MICAL3: variants seen among roughly 807,000 people sequenced by gnomAD.
MICAL3 encodes microtubule associated monooxygenase, calponin and LIM domain containing 3, also known as [F-actin]-monooxygenase MICAL3.
A neutral mutation model predicts 207.4 loss-of-function variants in MICAL3; 62 were observed. That is an observed-to-expected ratio of 0.30 (90% confidence interval 0.24 to 0.37). MICAL3 has a LOEUF of 0.37. Ranked by LOEUF, MICAL3 falls within the 10% of genes least tolerant of loss-of-function variation. The pLI is 1.00. For missense variants in MICAL3, 2,368 were observed against 2,635.6 expected, an observed-to-expected ratio of 0.90 and a Z score of 2.22; for synonymous variants, 1,077 against 1,069.3, an observed-to-expected ratio of 1.01 and a Z score of -0.14.
intron 20 of MICAL3, among the ~76,000 whole-genome samples, chr22:17,838,413 A>G (rs981102565): frequency 6.6e-6 from 1 of 152,210 alleles, no homozygotes; most frequent in African/African-American, 2.4e-5. Context: ...AACCAATACA[A>G]GGCTGCCTGG....
intron 22 of MICAL3, chr22:17,826,514 G>T (rs757774432): frequency 1.0e-6 from 1 of 985,890 alleles, no homozygotes. Context: ...GGAAGGTCGG[G>T]CACTGAATTT....
intron 1 of MICAL3, among the ~76,000 whole-genome samples, chr22:17,912,368 T>C (rs1156625843): frequency 7.1e-6 from 1 of 140,658 alleles, no homozygotes; most frequent in East Asian, 2.1e-4. Context: ...TCTATTTCTG[T>C]AAAAAAAAAA....
chr22:17,832,551 C>G (rs181360544), intron 20 of MICAL3, among the ~76,000 whole-genome samples: 1 of 152,172 alleles, frequency 6.6e-6, no homozygotes, highest in Non-Finnish European at 1.5e-5. Flanking sequence ...ACACTGAGAT[C>G]GCTGGTTTAC....
In MICAL3 at chr22:17,817,984, C is replaced by T. The variant is rs370464455; in HGVS notation, c.4677G>A (p.Pro1559=). The change falls in exon 26 of 32, where the codon CCG becomes CCA. Residue 1559 remains proline (P), a synonymous_variant. Transcript: ENST00000441493. ...CWPRPEKPRH[P]PLAKENGRLP... Reference sequence around the variant, plus strand: ...GCCTCCCGTTCTCCTTGGCCAGGGGCGGGTGGCGAGGCTTCTCGGGGCGCG... The same window carrying T: ...GCCTCCCGTTCTCCTTGGCCAGGGGTGGGTGGCGAGGCTTCTCGGGGCGCG... 19 of 1,612,198 alleles carry T rather than the reference C, an allele frequency of 1.2e-5. No homozygotes were observed. The highest frequency in any genetic ancestry group is 1.6e-4 in the Middle Eastern group (1 of 6,084).
At chr22:17,851,872 G>A (rs1389657661) in intron 19 of MICAL3, among the ~76,000 whole-genome samples, 2 of 152,206 alleles carry the variant, frequency 1.3e-5, no homozygotes, top group Admixed American at 6.5e-5. Context: ...GTTTGGTTCC[G>A]GGAAGCAGCT....
At chr22:17,808,728 G>A in intron 29 of MICAL3, 116 bp downstream of exon 29, 1 of 843,270 alleles carries the variant, frequency 1.2e-6, no homozygotes, top group Non-Finnish European at 1.8e-6. Flanking sequence ...AAGGGCCCCA[G>A]AAAATCCTGC....
intron 1 of MICAL3, among the ~76,000 whole-genome samples, chr22:17,964,942 C>G (rs1935076778): frequency 6.6e-6 from 1 of 152,106 alleles, no homozygotes; most frequent in Admixed American, 6.5e-5. Context: ...CGGTGGAGGT[C>G]TGGGAAAAGG....
At chr22:17,948,584 G>A (rs1934183874) in intron 1 of MICAL3, among the ~76,000 whole-genome samples, 1 of 152,190 alleles carries the variant, frequency 6.6e-6, no homozygotes, top group Non-Finnish European at 1.5e-5. Flanking sequence ...GGGGAAGACA[G>A]AATATGAGTC....
chr22:17,842,619 A>C (rs1924148542), intron 19 of MICAL3: 1 of 157,346 alleles, frequency 6.4e-6, no homozygotes, highest in Non-Finnish European at 1.4e-5. Flanking sequence ...ACCGCTGCTC[A>C]GAGGAAGGAC....
intron 2 of MICAL3, among the ~76,000 whole-genome samples, chr22:17,906,272 G>C (rs1013984970): frequency 6.6e-6 from 1 of 152,172 alleles, no homozygotes; most frequent in South Asian, 2.1e-4. Context: ...AACAAAAAGA[G>C]GTTAGACATC....
chr22:17,863,599 T>TA, intron 19 of MICAL3: 2 of 985,286 alleles, frequency 2.0e-6, no homozygotes, highest in Admixed American at 6.2e-5. Flanking sequence ...GCAGGGTACT[T>TA]AAAAAACTTG....
chr22:17,903,524 A>T (rs924109744), intron 3 of MICAL3, among the ~76,000 whole-genome samples: 1 of 152,178 alleles, frequency 6.6e-6, no homozygotes, highest in African/African-American at 2.4e-5. Context: ...CTTAAGACCA[A>T]ACTTAACTGG....
intron 1 of MICAL3, among the ~76,000 whole-genome samples, chr22:17,929,552 T>TC (rs1933121642): frequency 7.1e-6 from 1 of 140,352 alleles, no homozygotes; most frequent in Non-Finnish European, 1.5e-5. Flanking sequence ...CATTTTTCTT[T>TC]CTTTCCTTTT....
intron 8 of MICAL3, 36 bp from the exon 9 acceptor site, chr22:17,896,397 A>C: frequency 8.3e-7 from 1 of 1,207,188 alleles, no homozygotes; most frequent in Admixed American, 2.0e-5. Flanking sequence ...ATTAAAATAT[A>C]ACACACCTTT....
At chr22:17,940,048 A>C (rs1042286481) in intron 1 of MICAL3, among the ~76,000 whole-genome samples, 1 of 152,218 alleles carries the variant, frequency 6.6e-6, no homozygotes, top group Non-Finnish European at 1.5e-5. Flanking sequence ...ACATGCCTTC[A>C]GATCACCAGA....
chr22:17,907,509 C>G (rs1452072988), intron 1 of MICAL3, among the ~76,000 whole-genome samples: 1 of 152,186 alleles, frequency 6.6e-6, no homozygotes, highest in Non-Finnish European at 1.5e-5. Context: ...GAGGTGCTTA[C>G]CGGGAAGTCG....
chr22:18,015,942 C>A (rs887386805), intron 1 of MICAL3, among the ~76,000 whole-genome samples: 6 of 152,098 alleles, frequency 3.9e-5, no homozygotes, highest in Non-Finnish European at 8.8e-5. Context: ...CTACTTATTT[C>A]TATTATAACC....
At chr22:17,839,741 T>G (rs1276330019) in intron 20 of MICAL3, 1 of 151,396 alleles carries the variant, frequency 6.6e-6, no homozygotes, top group African/African-American at 2.4e-5. Context: ...TAATTTTTTG[T>G]ATTTTTAGTA....
intron 28 of MICAL3, among the ~76,000 whole-genome samples, chr22:17,809,207 G>C (rs762001331): frequency 4.6e-5 from 7 of 152,362 alleles, no homozygotes; most frequent in Admixed American, 1.3e-4. Context: ...GTGTTGCAGA[G>C]ACAGGAAGTG....
Sources: allele counts gnomAD v4.1 joint callset (sites outside exome capture counted in the v4.1 genomes callset), GRCh38; gene constraint gnomAD v4.1.1; transcripts MANE v1.5; gene names NCBI Gene and HGNC (gene_info 2026-07-23, HGNC 2026-07-21).